The following NFAT5 variants were observed in gnomAD, a reference collection of about 807,000 sequenced individuals.
NFAT5 encodes the protein nuclear factor of activated T cells 5.
Under a neutral mutation model 166.5 loss-of-function variants are expected in NFAT5, and 31 were observed. The observed-to-expected ratio is 0.19, with a 90% CI of 0.14 to 0.25. NFAT5 has a LOEUF of 0.25. Ranked by LOEUF, NFAT5 falls within the 10% of genes least tolerant of loss-of-function variation. The pLI is 1.00. For missense variants in NFAT5, 1,449 were observed against 1,821.8 expected (o/e 0.80, Z 3.72); for synonymous variants, 612 against 639.7 (o/e 0.96, Z 0.65).
chr16:69,647,466 A>G lies in NFAT5; in HGVS notation c.692A>G (p.Lys231Arg), dbSNP rs1170182479. 2.5e-6 allele frequency: 4 copies of G among 1,613,826 alleles called. No homozygotes were observed. Among genetic ancestry groups the G allele is most frequent in the South Asian group, 2.2e-5 (2 of 91,088 alleles). ...AATCCAAAGCAGAGGCCGGGGGTCA[A>G]ACGACGAGATTGTGAAGAATCTAAT... ...KRNPKQRPGVKRRDCEESNMD... is the reference protein window; with the variant it reads ...KRNPKQRPGVRRRDCEESNMD... Residue 231 changes from lysine to arginine, a missense_variant, in exon 4 of 15, where the codon AAA (lysine) becomes AGA (arginine). Lys to Arg is a conservative substitution (Grantham distance 26, BLOSUM62 2). This residue lies in a region of NFAT5 where 115 missense variants were observed against 177.1 expected (regional missense o/e 0.65). Transcript: ENST00000349945. This position sits in a 1 kb window ranked among gnomAD's most constrained non-coding sequence, Gnocchi z 4.8.
chr16:69,568,462 T>C (rs775819076), intron 1 of NFAT5, 33 bp from the exon 2 acceptor site: 2 of 1,595,856 alleles, frequency 1.3e-6, no homozygotes, highest in Admixed American at 3.4e-5. Flanking sequence ...TCATTCAGCA[T>C]AAAAAGTACC....
At chr16:69,671,017 A>C (rs2036600563) in intron 9 of NFAT5, among the ~76,000 whole-genome samples, 1 of 152,260 alleles carries the variant, frequency 6.6e-6, no homozygotes, top group African/African-American at 2.4e-5. Flanking sequence ...AGAGAAATAG[A>C]AGATGCAAAA....
At chr16:69,684,224 A>T (rs369377379) in intron 10 of NFAT5, among the ~76,000 whole-genome samples, 3 of 132,230 alleles carry the variant, frequency 2.3e-5, no homozygotes, top group South Asian at 4.9e-4. Flanking sequence ...ATACCACTGC[A>T]CTCCTCCTGG....
chr16:69,688,795 G>A (rs2037432327), intron 11 of NFAT5, among the ~76,000 whole-genome samples: 1 of 152,166 alleles, frequency 6.6e-6, no homozygotes, highest in South Asian at 2.1e-4. Flanking sequence ...TGTGCAACAG[G>A]TGATAACAAC....
At position 69,677,318 on chromosome 16, in the gene NFAT5, C is replaced by T; in HGVS notation, c.1673C>T (p.Thr558Ile). Residue 558 changes from threonine (T) to isoleucine (I), a missense_variant, in exon 10 of 15, where the codon ACT becomes ATT. Thr to Ile is a moderately conservative substitution (Grantham distance 89, BLOSUM62 -1). Around this residue, in one of 7 missense-constraint regions of NFAT5, gnomAD observed 245 missense variants for 366.6 expected, o/e 0.67. Coordinates refer to ENST00000349945, the MANE Select transcript of NFAT5 (RefSeq NM_138713.4). Reference sequence around the variant, plus strand: ...AGATCTCATGATGTTCAACCATTCACTTACACTCCAGACCCAGGTATGTCA... The same window carrying T: ...AGATCTCATGATGTTCAACCATTCATTTACACTCCAGACCCAGGTATGTCA... Reference protein sequence around the residue: ...AGRSHDVQPFTYTPDPAAAGA... With the variant: ...AGRSHDVQPFIYTPDPAAAGA... 2 of 1,605,556 alleles carry T rather than the reference C, an allele frequency of 1.2e-6. No individual in the cohort carries two copies. Among genetic ancestry groups the T allele is most frequent in the Non-Finnish European group, 1.7e-6 (2 of 1,177,412 alleles).
chr16:69,644,177 C>T (rs969007935), intron 3 of NFAT5, among the ~76,000 whole-genome samples: 9 of 151,574 alleles, frequency 5.9e-5, no homozygotes, highest in Non-Finnish European at 8.8e-5. Flanking sequence ...CTCAGTTACT[C>T]GGGAAGCTGA....
At chr16:69,615,065 A>G (rs2151562673) in intron 2 of NFAT5, among the ~76,000 whole-genome samples, 1 of 142,652 alleles carries the variant, frequency 7.0e-6, no homozygotes, top group South Asian at 2.2e-4. Context: ...TTTTTTTGAG[A>G]TGGAGTCTCA....
At chr16:69,587,290 G>T (rs944998106) in intron 2 of NFAT5, among the ~76,000 whole-genome samples, 43 of 151,732 alleles carry the variant, frequency 2.8e-4, no homozygotes, top group African/African-American at 1.0e-3. Context: ...GGCCAGGCTG[G>T]TCTTGAACTC....
chr16:69,587,423 C>G (rs2032147448), intron 2 of NFAT5, among the ~76,000 whole-genome samples: 1 of 151,914 alleles, frequency 6.6e-6, no homozygotes, highest in Non-Finnish European at 1.5e-5. Flanking sequence ...GAGTCTGGCT[C>G]TGTCGCCCAG....
rs1404150594 is a variant in NFAT5 at position 69,694,123 on chromosome 16, C to T, written c.4298C>T (p.Pro1433Leu). ...MPGIQGATSS[P>L]QPQATLFHNT... is the part of the protein sequence containing the mutation. ...GGAATTCAAGGAGCCACATCTTCGC[C>T]TCAACCACAGGCTACTTTATTTCAC... Residue 1433 changes from proline to leucine, a missense_variant, in exon 13 of 15, where the codon CCT becomes CTT. Pro to Leu is a moderately conservative substitution (Grantham distance 98). Transcript: ENST00000349945. 6.2e-7 allele frequency: 1 copy of T among 1,614,228 alleles called. No individual in the cohort carries two copies. The highest frequency in any genetic ancestry group is 8.5e-7 in the Non-Finnish European group (1 of 1,180,036).
At chr16:69,584,359 G>A (rs1567518181) in intron 2 of NFAT5, among the ~76,000 whole-genome samples, 1 of 150,516 alleles carries the variant, frequency 6.6e-6, no homozygotes, top group African/African-American at 2.4e-5. Flanking sequence ...CTGTCATCTG[G>A]ACTGCAATGC....
intron 11 of NFAT5, among the ~76,000 whole-genome samples, chr16:69,688,360 A>G (rs1246606844): frequency 2.0e-5 from 3 of 151,750 alleles, no homozygotes; most frequent in Non-Finnish European, 2.9e-5. Flanking sequence ...TACAGACTGT[A>G]TATTTTTATT....
intron 2 of NFAT5, among the ~76,000 whole-genome samples, chr16:69,584,162 G>A (rs376835800): frequency 2.6e-4 from 39 of 152,242 alleles, no homozygotes; most frequent in African/African-American, 8.7e-4. Context: ...GGAGGTGGAA[G>A]TTGCAGGGAG....
At chr16:69,592,019 T>C (rs1485015029) in intron 2 of NFAT5, among the ~76,000 whole-genome samples, 1 of 152,170 alleles carries the variant, frequency 6.6e-6, no homozygotes, top group African/African-American at 2.4e-5. Flanking sequence ...TTATTGGCTC[T>C]TTTAGGTTTA....
chr16:69,609,943 C>T lies in NFAT5; in HGVS notation c.128-16460C>T, dbSNP rs180906679. On this transcript the variant is annotated intron_variant, in intron 2 of 14. Coordinates refer to ENST00000349945, the MANE Select transcript of NFAT5 (RefSeq NM_138713.4). ...ATCACTTGAGCCTGGGAGGTTGAGG[C>T]TGCAATGAGCAATGATTGTGCCACC... is the stretch of plus-strand genomic sequence containing the variant. Among the ~76,000 whole-genome samples, 10 of 151,680 alleles carry T rather than the reference C, an allele frequency of 6.6e-5. No individual in the cohort carries two copies. The East Asian group carries it at 1.9e-3, about 29-fold the overall frequency.
At chr16:69,638,609 G>A (rs1193486014) in intron 3 of NFAT5, among the ~76,000 whole-genome samples, 1 of 151,604 alleles carries the variant, frequency 6.6e-6, no homozygotes, top group South Asian at 2.1e-4. Flanking sequence ...GGTGGTGGGC[G>A]CCTGTAATCC....
In NFAT5 at chr16:69,655,653, C is replaced by T; in HGVS notation, c.1050C>T (p.Gly350=). 1.2e-6 allele frequency: 2 copies of T among 1,612,538 alleles called. No homozygotes were observed. The highest frequency in any genetic ancestry group is 1.7e-6 in the Non-Finnish European group (2 of 1,179,046). ...CTGTAGTGTTGCAAGTGTTTGTGGGCAACGACTCTGGACGAGTGAAACCAC... is the reference window on the plus strand; with the variant it reads ...CTGTAGTGTTGCAAGTGTTTGTGGGTAACGACTCTGGACGAGTGAAACCAC... The part of the protein sequence containing the change: ...NEPVVLQVFV[G]NDSGRVKPHG... Residue 350 remains glycine (G), a synonymous_variant, in exon 6 of 15, where the codon GGC becomes GGT. Transcript: ENST00000349945.
At chr16:69,625,513 T>C (rs2034416292) in intron 2 of NFAT5, among the ~76,000 whole-genome samples, 1 of 151,848 alleles carries the variant, frequency 6.6e-6, no homozygotes, top group South Asian at 2.1e-4. Flanking sequence ...AAGAAGTATT[T>C]GCTTGAGCCA....
At chr16:69,642,461 G>C (rs1035040373) in intron 3 of NFAT5, among the ~76,000 whole-genome samples, 9 of 152,014 alleles carry the variant, frequency 5.9e-5, no homozygotes, top group Non-Finnish European at 1.0e-4. Context: ...ATTATAGAAT[G>C]GTCTATTAAT....
Sources: allele counts gnomAD v4.1 joint callset (sites outside exome capture counted in the v4.1 genomes callset), GRCh38; gene constraint gnomAD v4.1.1; regional missense constraint gnomAD v4.1.1; non-coding constraint Gnocchi (gnomAD v3.1); transcripts MANE v1.5; gene names NCBI Gene and HGNC (gene_info 2026-07-23, HGNC 2026-07-21).